FER1L6: variants seen among roughly 807,000 people sequenced by gnomAD.
The protein encoded by FER1L6 is fer-1 like family member 6.
In FER1L6, 177 loss-of-function variants were observed where a neutral mutation model predicts 219.2. The ratio of observed to expected loss-of-function variants is 0.81; its 90% CI spans 0.71 to 0.91. FER1L6 has a LOEUF of 0.91. FER1L6 is among the 40% of genes least tolerant of loss of function. The probability of loss-of-function intolerance (pLI) is 0.00; values close to 1 mark genes in which losing one functional copy is unlikely to be tolerated. For missense variants in FER1L6, 2,153 were observed against 2,259.9 expected (o/e 0.95, Z 0.96); for synonymous variants, 768 against 824.3 (o/e 0.93, Z 1.17).
intron 1 of FER1L6, among the ~76,000 whole-genome samples, chr8:123,864,010 T>A (rs1816788472): frequency 6.8e-6 from 1 of 148,122 alleles, no homozygotes. Flanking sequence ...TGTGTGAATT[T>A]GATCCTGTCA....
intron 1 of FER1L6, among the ~76,000 whole-genome samples, chr8:123,882,279 G>A (rs865857042): frequency 5.3e-5 from 8 of 152,130 alleles, no homozygotes; most frequent in Non-Finnish European, 7.4e-5. Context: ...GCAAAGTAGC[G>A]AGCCAAAAGA....
intron 33 of FER1L6, among the ~76,000 whole-genome samples, chr8:124,084,819 T>G (rs1427775114): frequency 6.6e-6 from 1 of 152,130 alleles, no homozygotes; most frequent in African/African-American, 2.4e-5. Flanking sequence ...TTTTTCTTTG[T>G]TTTTCAGATT....
At position 124,082,473 on chromosome 8, in the gene FER1L6, C is replaced by T. The variant is rs1219387896; in HGVS notation, c.4391+15C>T. ...CAGTATGAGATGTAAGTTCTTTCTCCCCGGGAGACACTTGGTATTCTGAAG... is the reference window on the plus strand; with the variant it reads ...CAGTATGAGATGTAAGTTCTTTCTCTCCGGGAGACACTTGGTATTCTGAAG... On this transcript the variant is annotated intron_variant, in intron 33 of 40. Coordinates refer to ENST00000522917, the MANE Select transcript of FER1L6 (RefSeq NM_001039112.2). The T allele has an allele frequency of 1.2e-6, 2 of 1,610,700 alleles. No individual in the cohort carries two copies. The highest frequency in any genetic ancestry group is 8.5e-7 in the Non-Finnish European group (1 of 1,178,234).
chr8:123,892,766 T>C (rs190506805), intron 1 of FER1L6, among the ~76,000 whole-genome samples: 14 of 152,364 alleles, frequency 9.2e-5, no homozygotes, highest in African/African-American at 3.4e-4. Flanking sequence ...CTTTGATATT[T>C]GTCAGACTTT....
chr8:123,887,460 C>T (rs1817224976), intron 1 of FER1L6, among the ~76,000 whole-genome samples: 1 of 152,154 alleles, frequency 6.6e-6, no homozygotes, highest in Admixed American at 6.5e-5. Flanking sequence ...CTCTCTGGCC[C>T]CACCACAGCT....
intron 1 of FER1L6, among the ~76,000 whole-genome samples, chr8:123,934,141 C>T (rs1438060510): frequency 1.3e-5 from 2 of 152,188 alleles, no homozygotes; most frequent in African/African-American, 2.4e-5. Flanking sequence ...GACCAAGTCT[C>T]ACTCTGTCAC....
chr8:123,904,224 T>TTGTGTGTGTGTGTGTG (rs56224402), intron 1 of FER1L6, among the ~76,000 whole-genome samples: 1,929 of 139,416 alleles, frequency 0.014, 40 homozygotes, highest in Middle Eastern at 0.027. Context: ...CTCTGTATAT[T>TTGTGTGTGTGTGTGTG]TGTGTGTGTG....
In FER1L6 at chr8:123,980,738, G is replaced by A; in HGVS notation, c.1337G>A (p.Gly446Glu). 6.2e-7 allele frequency: 1 copy of A among 1,614,148 alleles called. No individual in the cohort carries two copies. The highest frequency in any genetic ancestry group is 8.5e-7 in the Non-Finnish European group (1 of 1,180,010). ...GKDKADKTED[G>E]KSQQASNKTN... ...GACAAGGCTGACAAAACTGAAGATG[G>A]AAAATCCCAACAGGCTTCAAACAAA... is the stretch of plus-strand genomic sequence containing the variant. Residue 446 changes from glycine to glutamate, a missense_variant, in exon 11 of 41, where the codon GGA becomes GAA. By Grantham distance (98) the Gly-to-Glu change is moderately conservative. Transcript: ENST00000522917.
intron 14 of FER1L6, among the ~76,000 whole-genome samples, 173 bp downstream of exon 14, chr8:124,010,887 T>C (rs138190613): frequency 1.3e-3 from 194 of 152,310 alleles, no homozygotes; most frequent in African/African-American, 4.4e-3. Flanking sequence ...GAATGAGACC[T>C]CATTTTGCAA....
chr8:123,961,065 T>C (rs1489466550), intron 2 of FER1L6, among the ~76,000 whole-genome samples: 3 of 152,022 alleles, frequency 2.0e-5, no homozygotes, highest in Non-Finnish European at 2.9e-5. Flanking sequence ...CTGCGCAACA[T>C]AGTGAGACCC....
intron 14 of FER1L6, among the ~76,000 whole-genome samples, chr8:124,012,138 G>A (rs898407078): frequency 8.5e-5 from 13 of 152,074 alleles, no homozygotes; most frequent in Admixed American, 5.9e-4. Flanking sequence ...TCTTTGTCTT[G>A]ACCCTCCTGT....
At chr8:123,989,971 T>C (rs1222036522) in intron 12 of FER1L6, among the ~76,000 whole-genome samples, 2 of 152,198 alleles carry the variant, frequency 1.3e-5, no homozygotes, top group Non-Finnish European at 2.9e-5. Context: ...TACTTTTAGT[T>C]CTTTAAGAAA....
intron 12 of FER1L6, among the ~76,000 whole-genome samples, chr8:123,987,118 A>C (rs1816623033): frequency 6.6e-6 from 1 of 152,136 alleles, no homozygotes; most frequent in African/African-American, 2.4e-5. Flanking sequence ...TGGTTGTATT[A>C]ATTTGCATTC....
chr8:124,025,652 A>G (rs1327381369), intron 18 of FER1L6, among the ~76,000 whole-genome samples: 1 of 152,176 alleles, frequency 6.6e-6, no homozygotes, highest in Non-Finnish European at 1.5e-5. Context: ...TGCTTTGGCA[A>G]TTTGGGCTCT....
At chr8:124,032,442 A>G (rs1819011058) in intron 18 of FER1L6, among the ~76,000 whole-genome samples, 1 of 151,674 alleles carries the variant, frequency 6.6e-6, no homozygotes, top group African/African-American at 2.4e-5. Flanking sequence ...GAAAAGAAAC[A>G]CAGGCCCAGG....
At chr8:123,862,971 C>G (rs1246555865) in intron 1 of FER1L6, among the ~76,000 whole-genome samples, 1 of 144,926 alleles carries the variant, frequency 6.9e-6, no homozygotes, top group Non-Finnish European at 1.5e-5. Flanking sequence ...TTTTGTGCCT[C>G]TATTTCCTTC....
At chr8:124,065,991 T>C (rs1023825221) in intron 26 of FER1L6, among the ~76,000 whole-genome samples, 1 of 152,250 alleles carries the variant, frequency 6.6e-6, no homozygotes, top group Non-Finnish European at 1.5e-5. Context: ...GTGGGTATTA[T>C]TGTCCCTAGT....
chr8:123,867,708 T>G (rs1816859178), intron 1 of FER1L6, among the ~76,000 whole-genome samples: 1 of 152,238 alleles, frequency 6.6e-6, no homozygotes, highest in Non-Finnish European at 1.5e-5. Flanking sequence ...ATGTTGGATG[T>G]TATTGCCCTT....
intron 26 of FER1L6, 28 bp from the exon 27 acceptor site, chr8:124,066,400 A>G: frequency 6.2e-7 from 1 of 1,609,106 alleles, no homozygotes. Flanking sequence ...AGGTTGAACT[A>G]ATAACCCATT....
Sources: gnomAD v4.1 joint callset for allele counts (sites outside exome capture counted in the v4.1 genomes callset) on GRCh38, gnomAD v4.1.1 for gene constraint, MANE v1.5 for transcripts, NCBI Gene and HGNC (gene_info 2026-07-23, HGNC 2026-07-21) for gene names.